AGBL1: variants seen among roughly 807,000 people sequenced by gnomAD.
AGBL1 encodes cytosolic carboxypeptidase 4.
In AGBL1, 130 loss-of-function variants were observed where a neutral mutation model predicts 118.9. The ratio of observed to expected loss-of-function variants is 1.09; its 90% CI spans 0.95 to 1.26. The LOEUF (loss-of-function observed/expected upper bound fraction) is 1.26. Ranked by LOEUF, AGBL1 falls within the 50% of genes most tolerant of loss-of-function variation. AGBL1 has a pLI of 0.00. For missense variants in AGBL1, 1,584 were observed against 1,298.1 expected (o/e 1.22, Z -3.38); for synonymous variants, 555 against 478.9 (o/e 1.16, Z -2.08).
intron 22 of AGBL1, among the ~76,000 whole-genome samples, chr15:86,866,545 A>G (rs1045687916): frequency 2.2e-4 from 33 of 152,198 alleles, no homozygotes; most frequent in Non-Finnish European, 2.9e-5. Flanking sequence ...ATGCTGGCAA[A>G]TCAACAATAA....
chr15:86,132,962 C>G (rs1356856294), intron 1 of AGBL1, among the ~76,000 whole-genome samples: 1 of 152,170 alleles, frequency 6.6e-6, no homozygotes, highest in African/African-American at 2.4e-5. Context: ...TGGCCATCGC[C>G]TATTTATTTA....
chr15:86,637,092 C>T (rs137895540), intron 21 of AGBL1, among the ~76,000 whole-genome samples: 2 of 152,070 alleles, frequency 1.3e-5, no homozygotes, highest in East Asian at 1.9e-4. Flanking sequence ...ATCATTTATT[C>T]GATGACAGAG....
chr15:86,551,759 C>T (rs2083666024), intron 20 of AGBL1, among the ~76,000 whole-genome samples: 1 of 152,104 alleles, frequency 6.6e-6, no homozygotes, highest in African/African-American at 2.4e-5. Flanking sequence ...GAAAAGACAG[C>T]TACAGCCCAA....
intron 1 of AGBL1, among the ~76,000 whole-genome samples, chr15:86,115,971 T>C (rs77096589): frequency 0.011 from 1,646 of 152,308 alleles, 15 homozygotes; most frequent in East Asian, 0.048. Flanking sequence ...ATACATGAGG[T>C]TGGTATTTAA....
At chr15:86,990,427 T>A (rs1456820607) in intron 24 of AGBL1, among the ~76,000 whole-genome samples, 1 of 152,010 alleles carries the variant, frequency 6.6e-6, no homozygotes, top group Non-Finnish European at 1.5e-5. Flanking sequence ...GACAGGAGAA[T>A]TGCTTGAACC....
intron 21 of AGBL1, among the ~76,000 whole-genome samples, chr15:86,662,949 G>T (rs7168570): frequency 0.027 from 4,035 of 152,198 alleles, 178 homozygotes; most frequent in African/African-American, 0.092. Flanking sequence ...AAATAGTTTT[G>T]ATTTGTGTCT....
chr15:86,737,297 T>C (rs2077616336), intron 22 of AGBL1, among the ~76,000 whole-genome samples: 1 of 152,094 alleles, frequency 6.6e-6, no homozygotes. Flanking sequence ...AGGATTTTGC[T>C]GAGGAGAGAA....
At chr15:86,759,698 G>A (rs1255113931) in intron 22 of AGBL1, among the ~76,000 whole-genome samples, 1 of 152,022 alleles carries the variant, frequency 6.6e-6, no homozygotes, top group Non-Finnish European at 1.5e-5. Context: ...GAATATGGAA[G>A]AACATTAAAA....
At chr15:86,920,840 T>C (rs1367906219), downstream of AGBL1, among the ~76,000 whole-genome samples, 2 of 152,210 alleles carry the variant, frequency 1.3e-5, no homozygotes, top group Non-Finnish European at 2.9e-5. Context: ...TGTACTCTCT[T>C]AGACATAGTT....
At position 86,785,377 on chromosome 15, in the gene AGBL1, T is replaced by G. The variant is rs200935902; in HGVS notation, c.3158+110941T>G. Reference sequence around the variant, plus strand: ...TGCGGGTTCTTTTTTTTTTTTTTTTTTGTTTTTGTTTTTTTGAGATGGAGT... The same window carrying G: ...TGCGGGTTCTTTTTTTTTTTTTTTTGTGTTTTTGTTTTTTTGAGATGGAGT... On this transcript the variant is annotated intron_variant, in intron 22 of 22. Coordinates refer to ENST00000614907, the MANE Select transcript of AGBL1 (RefSeq NM_001386094.1). 2.4e-3 allele frequency among the ~76,000 whole-genome samples: 330 copies of G among 135,094 alleles called. 8 individuals carry two copies. Among genetic ancestry groups the G allele is most frequent in the East Asian group, 7.3e-3 (31 of 4,230 alleles). 88.6% of individuals were successfully genotyped at this position (135,094 alleles called of 152,430 possible). A position where few individuals can be genotyped will look rare whatever the true frequency, so the allele number is the denominator to read the frequency against.
chr15:87,003,594 A>C (rs1178918416), intron 24 of AGBL1, among the ~76,000 whole-genome samples: 1 of 152,102 alleles, frequency 6.6e-6, no homozygotes. Flanking sequence ...TCAGCTGTGA[A>C]TCCATCTGGT....
intron 22 of AGBL1, among the ~76,000 whole-genome samples, chr15:86,687,895 C>T (rs908557201): frequency 1.3e-5 from 2 of 152,098 alleles, no homozygotes; most frequent in Admixed American, 1.3e-4. Flanking sequence ...AGTACAATCA[C>T]CTCTCAGCAT....
intron 21 of AGBL1, among the ~76,000 whole-genome samples, chr15:86,595,416 C>T (rs1051754927): frequency 2.6e-5 from 4 of 152,120 alleles, no homozygotes; most frequent in African/African-American, 7.2e-5. Context: ...TCAGTTCTGT[C>T]TTTCTGGTTA....
intron 18 of AGBL1, among the ~76,000 whole-genome samples, chr15:86,507,849 A>G (rs1205445644): frequency 6.6e-6 from 1 of 152,068 alleles, no homozygotes; most frequent in Non-Finnish European, 1.5e-5. Context: ...ATTTGCTATT[A>G]AACAGGATTA....
intron 23 of AGBL1, among the ~76,000 whole-genome samples, chr15:86,926,605 C>T (rs1391000844): frequency 6.6e-6 from 1 of 152,172 alleles, no homozygotes; most frequent in Admixed American, 6.5e-5. Context: ...AATAGGAATG[C>T]CATAGACTGG....
At chr15:86,565,303 G>A (rs2083896400) in intron 21 of AGBL1, among the ~76,000 whole-genome samples, 2 of 152,186 alleles carry the variant, frequency 1.3e-5, no homozygotes, top group African/African-American at 2.4e-5. Flanking sequence ...GTACAGATGG[G>A]GTTTTGGTGT....
intron 22 of AGBL1, among the ~76,000 whole-genome samples, chr15:86,887,074 C>T (rs1034395147): frequency 1.3e-5 from 2 of 152,158 alleles, no homozygotes; most frequent in African/African-American, 4.8e-5. Flanking sequence ...AAGATATTAA[C>T]ACTCAGTAAA....
At chr15:86,742,914 A>T (rs945929090) in intron 22 of AGBL1, among the ~76,000 whole-genome samples, 4 of 152,180 alleles carry the variant, frequency 2.6e-5, no homozygotes, top group African/African-American at 9.7e-5. Context: ...ACTGAAAATC[A>T]ACATACTTCA....
intron 5 of AGBL1, among the ~76,000 whole-genome samples, chr15:86,197,360 G>A (rs1156458117): frequency 2.0e-5 from 3 of 152,298 alleles, no homozygotes; most frequent in African/African-American, 7.2e-5. Flanking sequence ...AAAGAACGTT[G>A]GTAGAAGTAA....
Sources: allele counts gnomAD v4.1 joint callset (sites outside exome capture counted in the v4.1 genomes callset), GRCh38; gene constraint gnomAD v4.1.1; transcripts MANE v1.5; gene names NCBI Gene and HGNC (gene_info 2026-07-23, HGNC 2026-07-21).